The following ADAM12 variants were observed in gnomAD, a reference collection of about 807,000 sequenced individuals.
The protein encoded by ADAM12 is ADAM metallopeptidase domain 12, also known as disintegrin and metalloproteinase domain-containing protein 12.
A neutral mutation model predicts 106.4 loss-of-function variants in ADAM12; 70 were observed. The ratio of observed to expected loss-of-function variants is 0.66; its 90% CI spans 0.54 to 0.80. The LOEUF (loss-of-function observed/expected upper bound fraction) is 0.80, where lower values mean the gene tolerates loss of function less well. ADAM12 is among the 30% of genes least tolerant of loss of function. ADAM12 has a pLI of 0.00. For synonymous variants in ADAM12, 420 were observed against 433.5 expected (o/e 0.97, Z 0.39); for missense variants, 1,010 against 1,171.9 (o/e 0.86, Z 2.02).
rs190550769 is a variant in ADAM12 at position 126,165,067 on chromosome 10, C to A, written c.261-9762G>T. 4.3e-3 allele frequency among the ~76,000 whole-genome samples: 661 copies of A among 152,296 alleles called. 4 individuals are homozygous for A. Among genetic ancestry groups the A allele is most frequent in the African/African-American group, 0.015 (623 of 41,554 alleles). On this transcript the variant is annotated intron_variant, in intron 3 of 22. Coordinates refer to ENST00000448723, the MANE Select transcript of ADAM12 (RefSeq NM_001288973.2). ...GGGTTCTCATCTTAAAGAATGAAAGCAAAGCATCGCGGCCACCACCCTCAA... is the reference window on the plus strand; with the variant it reads ...GGGTTCTCATCTTAAAGAATGAAAGAAAAGCATCGCGGCCACCACCCTCAA...
At position 126,113,687 on chromosome 10, in the gene ADAM12, AATATATATATATATATATATATAT is replaced by A. The variant is rs71309278; in HGVS notation, c.604-3871_604-3848del. Among the ~76,000 whole-genome samples the A allele has an allele frequency of 8.0e-3, 192 of 24,116 alleles. 2 individuals are homozygous for A. Among genetic ancestry groups the A allele is most frequent in the African/African-American group, 0.035 (178 of 5,114 alleles). 15.8% of individuals were successfully genotyped at this position (24,116 alleles called of 152,430 possible). On this transcript the variant is annotated intron_variant, in intron 6 of 22. Transcript: ENST00000448723. ...AAAAAAAAAAAAAAAAAAAAAAAAAAATATATATATATATATATATATATATATATATATATATATATATAATAT... is the reference window on the plus strand; with the variant it reads ...AAAAAAAAAAAAAAAAAAAAAAAAAAATATATATATATATATATATAATAT...
chr10:126,298,069 T>C (rs914115963), intron 2 of ADAM12, among the ~76,000 whole-genome samples: 6 of 151,966 alleles, frequency 3.9e-5, no homozygotes, highest in African/African-American at 1.2e-4. Context: ...ACCTGTTCAG[T>C]CACTGATCAC....
chr10:126,283,273 G>C (rs1353513572), intron 2 of ADAM12, among the ~76,000 whole-genome samples: 1 of 152,130 alleles, frequency 6.6e-6, no homozygotes, highest in African/African-American at 2.4e-5. Flanking sequence ...CGTGTGACCT[G>C]GTTCCTAGGC....
At position 126,371,019 on chromosome 10, in the gene ADAM12, C is replaced by T. The variant is rs375440617; in HGVS notation, c.88+17039G>A. Among the ~76,000 whole-genome samples, 28 of 152,308 alleles carry T rather than the reference C, an allele frequency of 1.8e-4. 1 individual carries two copies. The highest frequency in any genetic ancestry group is 3.4e-3 in the Middle Eastern group (1 of 294). ...GCCGGTGTCATCACTATTAGTTATT[C>T]GTGTAAGTCCCATTTCTAGTATATT... On this transcript the variant is annotated intron_variant, in intron 1 of 22. Transcript: ENST00000448723.
At chr10:126,234,415 G>A (rs908754544) in intron 3 of ADAM12, among the ~76,000 whole-genome samples, 3 of 152,160 alleles carry the variant, frequency 2.0e-5, no homozygotes, top group African/African-American at 7.2e-5. Flanking sequence ...GATTCCTGTT[G>A]CCAAATCTCA....
chr10:126,387,977 C>G, intron 1 of ADAM12, 81 bp downstream of exon 1: 1 of 1,179,812 alleles, frequency 8.5e-7, no homozygotes, highest in Non-Finnish European at 1.0e-6. Context: ...TCGGGGCAGC[C>G]CTGGACCTCG....
chr10:126,193,813 C>T (rs1189238643), intron 3 of ADAM12, among the ~76,000 whole-genome samples: 1 of 152,084 alleles, frequency 6.6e-6, no homozygotes, highest in African/African-American at 2.4e-5. Context: ...AGGAGAATCT[C>T]TTGAATTCGG....
At chr10:126,148,413 A>G (rs1023092639) in intron 4 of ADAM12, among the ~76,000 whole-genome samples, 1 of 152,168 alleles carries the variant, frequency 6.6e-6, no homozygotes, top group African/African-American at 2.4e-5. Flanking sequence ...ACCACGAAAA[A>G]CAATGCAAAG....
chr10:126,227,708 T>G (rs1050609050), intron 3 of ADAM12, among the ~76,000 whole-genome samples: 7 of 152,186 alleles, frequency 4.6e-5, no homozygotes, highest in Non-Finnish European at 8.8e-5. Flanking sequence ...GTGACTGCTT[T>G]GGAGAGAGTA....
chr10:126,252,931 G>T (rs1958815373), intron 3 of ADAM12, among the ~76,000 whole-genome samples: 1 of 152,112 alleles, frequency 6.6e-6, no homozygotes. Flanking sequence ...AGGGACAAAG[G>T]TGGCACTTGC....
chr10:126,152,489 C>T (rs750311374), intron 4 of ADAM12, among the ~76,000 whole-genome samples: 2 of 151,988 alleles, frequency 1.3e-5, no homozygotes, highest in Non-Finnish European at 2.9e-5. Context: ...TACAGAATTA[C>T]TCCCTTTATG....
chr10:126,177,816 C>CG (rs1260766524), intron 3 of ADAM12, among the ~76,000 whole-genome samples: 1 of 152,246 alleles, frequency 6.6e-6, no homozygotes, highest in East Asian at 1.9e-4. Context: ...GAATTAACTG[C>CG]GGCTGAAGTC....
chr10:126,034,770 TG>T (rs1954029179), intron 21 of ADAM12, among the ~76,000 whole-genome samples: 1 of 152,144 alleles, frequency 6.6e-6, no homozygotes, highest in Non-Finnish European at 1.5e-5. Context: ...GCTGCAATCA[TG>T]AATGATGTTT....
At chr10:126,021,796 A>G (rs557000406) in intron 21 of ADAM12, among the ~76,000 whole-genome samples, 17 of 152,160 alleles carry the variant, frequency 1.1e-4, no homozygotes, top group Admixed American at 2.0e-4. Flanking sequence ...CTGGCATGCA[A>G]TATAACCCAT....
intron 3 of ADAM12, among the ~76,000 whole-genome samples, chr10:126,206,830 A>G (rs1957803575): frequency 8.2e-6 from 1 of 122,298 alleles, no homozygotes; most frequent in Non-Finnish European, 1.6e-5. Flanking sequence ...CTTGAGTTGT[A>G]GCTCCCTGAA....
Position 126,388,275 on chromosome 10 carries a change from C to G in ADAM12, c.-130G>C. 9 of 1,161,144 alleles carry G rather than the reference C, an allele frequency of 7.8e-6. No homozygotes were observed. The highest frequency in any genetic ancestry group is 9.6e-6 in the Non-Finnish European group (9 of 937,732). The allele number at this position is 1,161,144 out of a possible 1,614,324, so 71.9% of individuals were successfully genotyped here. ...CTGCCTCGGCGAGTCAGCTCCGGAGCCCTCGCGCAGCGCCCGCGCCGCCGC... is the reference window on the plus strand; with the variant it reads ...CTGCCTCGGCGAGTCAGCTCCGGAGGCCTCGCGCAGCGCCCGCGCCGCCGC... On this transcript the variant is annotated 5_prime_UTR_variant, in exon 1 of 23. Transcript: ENST00000448723. The surrounding 1 kb of genome is among the most constrained non-coding windows in gnomAD (Gnocchi z 4.4).
At chr10:126,132,080 G>T (rs1469761542) in intron 5 of ADAM12, among the ~76,000 whole-genome samples, 2 of 151,560 alleles carry the variant, frequency 1.3e-5, no homozygotes, top group South Asian at 4.2e-4. Flanking sequence ...GGTTCAAGCA[G>T]TTTTCTGCCT....
intron 3 of ADAM12, among the ~76,000 whole-genome samples, chr10:126,271,204 T>C (rs1405023362): frequency 6.6e-6 from 1 of 152,198 alleles, no homozygotes; most frequent in African/African-American, 2.4e-5. Context: ...TCTTGGTCCT[T>C]TTCCAGGGTT....
At position 126,190,209 on chromosome 10, in the gene ADAM12, TC is replaced by T. The variant is rs1302349603; in HGVS notation, c.261-34905del. ...CTGCCCAATTCACTCTTTTTTTTTT[TC>T]TTTTTTTTTTAGACGGAGTCTCACT... On this transcript the variant is annotated intron_variant, in intron 3 of 22. Transcript: ENST00000448723. 1.8e-4 allele frequency among the ~76,000 whole-genome samples: 26 copies of T among 147,390 alleles called. No individual in the cohort carries two copies. The East Asian group carries it at 4.6e-3, about 26-fold the overall frequency.
Sources: allele counts gnomAD v4.1 joint callset (sites outside exome capture counted in the v4.1 genomes callset), GRCh38; gene constraint gnomAD v4.1.1; non-coding constraint Gnocchi (gnomAD v3.1); transcripts MANE v1.5; gene names NCBI Gene and HGNC (gene_info 2026-07-23, HGNC 2026-07-21).